Variants in UBAP1 observed in about 807,000 individuals in gnomAD.
UBAP1 encodes the protein ubiquitin associated protein 1.
UBAP1 carries 5 observed loss-of-function variants against 39.0 expected under a neutral mutation model. The observed-to-expected ratio is 0.13, with a 90% confidence interval of 0.07 to 0.27. The LOEUF is 0.27. Among genes scored for constraint, UBAP1 ranks in the 10% least tolerant of loss-of-function variants. The probability of loss-of-function intolerance (pLI) is 1.00; values close to 1 mark genes in which losing one functional copy is unlikely to be tolerated. For missense variants in UBAP1, 490 were observed against 608.1 expected (o/e 0.81, Z 2.04); for synonymous variants, 211 against 225.1 (o/e 0.94, Z 0.56).
intron 1 of UBAP1, among the ~76,000 whole-genome samples, chr9:34,208,827 C>G (rs1214982286): frequency 1.3e-5 from 2 of 151,296 alleles, no homozygotes; most frequent in South Asian, 4.2e-4. Context: ...ACCTGTAATC[C>G]CAGCTACTCG....
At chr9:34,230,842 G>A (rs1833368458) in intron 2 of UBAP1, among the ~76,000 whole-genome samples, 1 of 152,058 alleles carries the variant, frequency 6.6e-6, no homozygotes, top group African/African-American at 2.4e-5. Flanking sequence ...TTCATGACTA[G>A]CCTTGTCATT....
chr9:34,198,758 G>A (rs1041670976), intron 1 of UBAP1, among the ~76,000 whole-genome samples: 3 of 152,162 alleles, frequency 2.0e-5, no homozygotes, highest in Non-Finnish European at 4.4e-5. Flanking sequence ...AAGCACCCTG[G>A]AAAGCTGGGA....
intron 2 of UBAP1, among the ~76,000 whole-genome samples, chr9:34,230,078 T>C (rs12685445): frequency 0.012 from 1,842 of 152,240 alleles, 21 homozygotes; most frequent in Non-Finnish European, 0.02. Flanking sequence ...TTAGTATTAT[T>C]ATTGAAATGG....
chr9:34,216,289 C>G (rs12338538), intron 1 of UBAP1, among the ~76,000 whole-genome samples: 4,658 of 151,936 alleles, frequency 0.031, 237 homozygotes, highest in African/African-American at 0.11. Context: ...ATTTAGTACT[C>G]TCATAGTGTT....
chr9:34,240,300 T>C (rs1833895471), intron 3 of UBAP1, among the ~76,000 whole-genome samples: 1 of 152,194 alleles, frequency 6.6e-6, no homozygotes, highest in Non-Finnish European at 1.5e-5. Flanking sequence ...ATGGCTTGAG[T>C]ATGACCAGGG....
rs888803769 is a variant in UBAP1, at chr9:34,179,192, G to A, written c.-56G>A. 7.7e-5 allele frequency: 95 copies of A among 1,236,554 alleles called. No homozygotes were observed. The highest frequency in any genetic ancestry group is 2.4e-4 in the Middle Eastern group (1 of 4,196). The allele number at this position is 1,236,554 out of a possible 1,614,324, so 76.6% of individuals were successfully genotyped here. A position where few individuals can be genotyped will look rare whatever the true frequency, so the allele number is the denominator to read the frequency against. ...GGGGACCGAGCCTGGGAGGCCGGCCGGTGCCAGCACCTTTCGGCTTCTGAG... is the reference window on the plus strand; with the variant it reads ...GGGGACCGAGCCTGGGAGGCCGGCCAGTGCCAGCACCTTTCGGCTTCTGAG... On this transcript the variant is annotated 5_prime_UTR_variant, in exon 1 of 7. Coordinates refer to ENST00000297661, the MANE Select transcript of UBAP1 (RefSeq NM_016525.5).
rs748707380 is a variant in UBAP1 at position 34,250,641 on chromosome 9, C to T, written c.1267-17C>T. The stretch of plus-strand genomic sequence containing the variant: ...AAGAGCAGCAGTAGGTGCTAAACCC[C>T]TTGTTTCTTTTCTTAGATTCTCGAC... On this transcript the variant is annotated splice_polypyrimidine_tract_variant and intron_variant, in intron 5 of 6. Transcript: ENST00000297661. 1.1e-5 allele frequency: 17 copies of T among 1,606,910 alleles called. No homozygotes were observed. The highest frequency in any genetic ancestry group is 2.2e-5 in the South Asian group (2 of 90,836).
chr9:34,248,785 G>A lies in UBAP1; in HGVS notation c.1084-994G>A, dbSNP rs565070440. ...TTCGAACTTGCTTCTAGGACAGAGG[G>A]CTTCCTACCACCTAACCATGCTCCC... On this transcript the variant is annotated intron_variant, in intron 4 of 6. Coordinates refer to ENST00000297661, the MANE Select transcript of UBAP1 (RefSeq NM_016525.5). Among the ~76,000 whole-genome samples, 14 of 152,292 alleles carry A rather than the reference G, an allele frequency of 9.2e-5. No individual in the cohort carries two copies. In the Middle Eastern group the frequency reaches 0.01, roughly 111 times the overall value.
At chr9:34,227,858 T>C (rs984929501) in intron 2 of UBAP1, among the ~76,000 whole-genome samples, 5 of 152,188 alleles carry the variant, frequency 3.3e-5, no homozygotes, top group Non-Finnish European at 7.3e-5. Flanking sequence ...TCTAGATACA[T>C]TGGATAAAAA....
At chr9:34,187,732 T>C (rs1830482520) in intron 1 of UBAP1, among the ~76,000 whole-genome samples, 1 of 151,890 alleles carries the variant, frequency 6.6e-6, no homozygotes, top group South Asian at 2.1e-4. Context: ...CTCTGTCCGG[T>C]TCCTTGGACT....
chr9:34,234,696 C>T (rs536874144), intron 3 of UBAP1, among the ~76,000 whole-genome samples: 2 of 152,108 alleles, frequency 1.3e-5, no homozygotes, highest in African/African-American at 2.4e-5. Flanking sequence ...AACATGGTAG[C>T]GCAATGCATT....
intron 3 of UBAP1, 62 bp downstream of exon 3, chr9:34,234,402 T>A: frequency 6.6e-7 from 1 of 1,523,148 alleles, no homozygotes; most frequent in East Asian, 2.3e-5. Context: ...AAGAATTTGA[T>A]GTATAGTGAA....
intron 4 of UBAP1, among the ~76,000 whole-genome samples, chr9:34,249,286 C>T (rs1834345011): frequency 6.6e-6 from 1 of 152,190 alleles, no homozygotes; most frequent in Admixed American, 6.5e-5. Context: ...ACACTCACAG[C>T]CTCTGCCGAA....
intron 1 of UBAP1, among the ~76,000 whole-genome samples, chr9:34,212,210 A>G (rs1832056258): frequency 6.6e-6 from 1 of 151,930 alleles, no homozygotes; most frequent in African/African-American, 2.4e-5. Flanking sequence ...TTTTGTGCAC[A>G]TTTTTTACAT....
chr9:34,237,571 T>C (rs1401463421), intron 3 of UBAP1, among the ~76,000 whole-genome samples: 1 of 152,108 alleles, frequency 6.6e-6, no homozygotes, highest in East Asian at 1.9e-4. Flanking sequence ...AAAAAAACTT[T>C]TTTTGGTTTA....
chr9:34,248,913 C>T (rs1291954379), intron 4 of UBAP1, among the ~76,000 whole-genome samples: 1 of 152,218 alleles, frequency 6.6e-6, no homozygotes, highest in Non-Finnish European at 1.5e-5. Flanking sequence ...TGACCTCGTT[C>T]CTGTGGTCAG....
chr9:34,190,551 A>G (rs1830655903), intron 1 of UBAP1, among the ~76,000 whole-genome samples: 1 of 151,882 alleles, frequency 6.6e-6, no homozygotes, highest in Non-Finnish European at 1.5e-5. Flanking sequence ...CAGCTTCCCA[A>G]AGTGCTGGGA....
At chr9:34,213,638 C>T (rs1432204182) in intron 1 of UBAP1, among the ~76,000 whole-genome samples, 2 of 152,128 alleles carry the variant, frequency 1.3e-5, no homozygotes, top group Non-Finnish European at 2.9e-5. Context: ...TCTCACCACT[C>T]CTCTTCAACA....
chr9:34,250,053 C>G, intron 5 of UBAP1, 92 bp downstream of exon 5: 1 of 1,360,326 alleles, frequency 7.4e-7, no homozygotes, highest in South Asian at 1.3e-5. Flanking sequence ...ACTTGTAGCA[C>G]CAACCTCCTT....
Sources: allele counts gnomAD v4.1 joint callset (sites outside exome capture counted in the v4.1 genomes callset), GRCh38; gene constraint gnomAD v4.1.1; transcripts MANE v1.5; gene names NCBI Gene and HGNC (gene_info 2026-07-23, HGNC 2026-07-21).